The following SYNE2 variants were observed in gnomAD, a reference collection of about 807,000 sequenced individuals.
The protein encoded by SYNE2 is spectrin repeat containing nuclear envelope protein 2.
Under a neutral mutation model 856.3 loss-of-function variants are expected in SYNE2, and 431 were observed. That is an observed-to-expected ratio of 0.50 (90% CI 0.47 to 0.55). SYNE2 has a LOEUF of 0.55. Ranked by LOEUF, SYNE2 falls within the 20% of genes least tolerant of loss-of-function variation. The probability of loss-of-function intolerance (pLI) is 0.00; values close to 1 mark genes in which losing one functional copy is unlikely to be tolerated. For synonymous variants in SYNE2, 2,923 were observed against 2,872.3 expected, an observed-to-expected ratio of 1.02 and a Z score of -0.56; for missense variants, 8,129 against 8,023.2, an observed-to-expected ratio of 1.01 and a Z score of -0.50.
chr14:64,116,392 A>G (rs1255894976), intron 66 of SYNE2, among the ~76,000 whole-genome samples: 1 of 152,138 alleles, frequency 6.6e-6, no homozygotes, highest in East Asian at 1.9e-4. Context: ...GTCAACATAT[A>G]AGCTGTTCAT....
chr14:63,765,434 G>T (rs1886636633), intron 1 of SYNE2, among the ~76,000 whole-genome samples: 1 of 152,000 alleles, frequency 6.6e-6, no homozygotes, highest in Non-Finnish European at 1.5e-5. Context: ...CTCACTGCAA[G>T]CTCCGCCTCC....
At chr14:63,927,582 CTT>C (rs965744522) in intron 2 of SYNE2, among the ~76,000 whole-genome samples, 1 of 152,036 alleles carries the variant, frequency 6.6e-6, no homozygotes, top group Non-Finnish European at 1.5e-5. Context: ...CTCATTCTCT[CTT>C]GTCTGCCACC....
chr14:63,977,876 C>A, intron 12 of SYNE2, 29 bp from the exon 13 acceptor site: 1 of 1,442,974 alleles, frequency 6.9e-7, no homozygotes, highest in South Asian at 1.1e-5. Flanking sequence ...CAATAAGTAT[C>A]GTTTATGTCA....
chr14:63,797,635 T>C (rs1887970104), intron 1 of SYNE2, among the ~76,000 whole-genome samples: 1 of 152,126 alleles, frequency 6.6e-6, no homozygotes, highest in East Asian at 1.9e-4. Context: ...AGAGACGGGG[T>C]TTCGCCATGT....
At chr14:63,784,747 G>C (rs536391897) in intron 1 of SYNE2, among the ~76,000 whole-genome samples, 24 of 152,250 alleles carry the variant, frequency 1.6e-4, no homozygotes, top group Admixed American at 9.8e-4. Context: ...AGAGGCAGGA[G>C]TATCACTTAT....
chr14:63,783,437 G>T (rs1322999755), intron 1 of SYNE2, among the ~76,000 whole-genome samples: 1 of 152,016 alleles, frequency 6.6e-6, no homozygotes, highest in Non-Finnish European at 1.5e-5. Flanking sequence ...GAGTGCAGTG[G>T]CGCGATCTTG....
rs11158524 is a variant in SYNE2, at chr14:64,007,181, A to G, written c.4536A>G (p.Thr1512=). ...CCGTGAATCAACAGTGCCAAAATAC[A>G]GTAGTCTTGTGGGAGAATACCAAAG... ...EKTVNQQCQN[T]VVLWENTKAL... The change falls in exon 31 of 116, where the codon ACA becomes ACG. Residue 1512 remains threonine, a synonymous_variant. Coordinates refer to ENST00000555002, the MANE Select transcript of SYNE2 (RefSeq NM_182914.3). The G allele has an allele frequency of 6.8e-3, 10,926 of 1,614,150 alleles. 674 individuals carry two copies. The African/African-American group carries it at 0.13, about 19-fold the overall frequency.
intron 84 of SYNE2, among the ~76,000 whole-genome samples, chr14:64,147,654 C>T (rs1319937317): frequency 6.6e-6 from 1 of 152,172 alleles, no homozygotes; most frequent in Non-Finnish European, 1.5e-5. Context: ...CATAGATTAG[C>T]AAGCAAGCAC....
chr14:63,948,298 A>G (rs1221538248), intron 6 of SYNE2, among the ~76,000 whole-genome samples: 1 of 152,138 alleles, frequency 6.6e-6, no homozygotes, highest in Non-Finnish European at 1.5e-5. Context: ...TATGAGTATA[A>G]CATTTTAATC....
chr14:64,150,609 C>A (rs1290880862), intron 84 of SYNE2, among the ~76,000 whole-genome samples: 7 of 152,048 alleles, frequency 4.6e-5, no homozygotes, highest in Admixed American at 4.6e-4. Flanking sequence ...TCATTTCTTA[C>A]CAGTTTTCTT....
rs766827474 is a variant in SYNE2 at position 64,225,412 on chromosome 14, C to T, written c.20610C>T (p.Leu6870=). The change falls in exon 116 of 116, where the codon CTC becomes CTT. Residue 6870 remains leucine (L), a synonymous_variant. Coordinates refer to ENST00000555002, the MANE Select transcript of SYNE2 (RefSeq NM_182914.3). Reference sequence around the variant, plus strand: ...AGCTGCTCCTCCTGCTGCTGCTGCTCCTGGCCTGCCTGCTGCCCTCCTCCG... The same window carrying T: ...AGCTGCTCCTCCTGCTGCTGCTGCTTCTGGCCTGCCTGCTGCCCTCCTCCG... ...PLQLLLLLLL[L]LACLLPSSEE... 9 of 1,614,088 alleles carry T rather than the reference C, an allele frequency of 5.6e-6. No homozygotes were observed. The East Asian group carries it at 6.7e-5, about 12-fold the overall frequency.
chr14:64,100,514 C>CAAAAAA lies in SYNE2; in HGVS notation c.12382-1405_12382-1400dup, dbSNP rs35489245. Among the ~76,000 whole-genome samples the CAAAAAA allele has an allele frequency of 9.7e-4, 23 of 23,758 alleles. 1 individual carries two copies. The highest frequency in any genetic ancestry group is 1.3e-3 in the African/African-American group (5 of 3,830). 15.6% of individuals were successfully genotyped at this position (23,758 alleles called of 152,430 possible). ...CTGGGTGACAAGAGCAAAACTGTCT[C>CAAAAAA]AAAAAAAAAAAAAAAAAATATATAT... On this transcript the variant is annotated intron_variant, in intron 63 of 115. Transcript: ENST00000555002.
chr14:64,152,787 T>A, intron 85 of SYNE2, 71 bp downstream of exon 85: 1 of 1,592,282 alleles, frequency 6.3e-7, no homozygotes, highest in Non-Finnish European at 8.6e-7. Flanking sequence ...GTTGTAGTTG[T>A]TTTCGTCCTT....
At chr14:64,062,633 C>T (rs1052233090) in intron 49 of SYNE2, 118 bp from the exon 50 acceptor site, 98 of 1,063,300 alleles carry the variant, frequency 9.2e-5, no homozygotes, top group East Asian at 2.6e-4. Context: ...CTAGCAAAAA[C>T]GAAAGTTGTC....
At chr14:64,040,860 G>A (rs1363523614) in intron 45 of SYNE2, among the ~76,000 whole-genome samples, 1 of 151,686 alleles carries the variant, frequency 6.6e-6, no homozygotes, top group Admixed American at 6.6e-5. Context: ...CTTGTTTCAA[G>A]AAGAACAGAG....
intron 67 of SYNE2, 125 bp downstream of exon 67, chr14:64,119,734 C>T: frequency 1.1e-6 from 1 of 893,722 alleles, no homozygotes; most frequent in South Asian, 1.7e-5. Context: ...GAAAGAATTT[C>T]ACACATTAAC....
chr14:64,055,054 GA>G (rs959225100), intron 48 of SYNE2, among the ~76,000 whole-genome samples: 1 of 152,120 alleles, frequency 6.6e-6, no homozygotes, highest in African/African-American at 2.4e-5. Flanking sequence ...AACTGGAAGG[GA>G]CCTTTATTTA....
chr14:63,906,192 T>TTC (rs2095407599), intron 1 of SYNE2, among the ~76,000 whole-genome samples: 1 of 152,206 alleles, frequency 6.6e-6, no homozygotes, highest in Non-Finnish European at 1.5e-5. Flanking sequence ...TATGTGCTGC[T>TTC]GGATTCAGTT....
intron 30 of SYNE2, among the ~76,000 whole-genome samples, chr14:64,004,454 C>G (rs1040674193): frequency 1.5e-4 from 23 of 151,960 alleles, no homozygotes; most frequent in Non-Finnish European, 2.9e-4. Context: ...CCTCAGCCCC[C>G]CAGTAGCTGG....
Sources: gnomAD v4.1 joint callset for allele counts (sites outside exome capture counted in the v4.1 genomes callset) on GRCh38, gnomAD v4.1.1 for gene constraint, MANE v1.5 for transcripts, NCBI Gene and HGNC (gene_info 2026-07-23, HGNC 2026-07-21) for gene names.